The following DOCK11 variants were observed in gnomAD, a reference collection of about 807,000 sequenced individuals.
DOCK11 encodes dedicator of cytokinesis protein 11.
A neutral mutation model predicts 169.1 loss-of-function variants in DOCK11; 70 were observed. The observed-to-expected ratio is 0.41, with a 90% confidence interval of 0.34 to 0.51. The LOEUF (loss-of-function observed/expected upper bound fraction) is 0.51. Ranked by LOEUF, DOCK11 falls within the 20% of genes least tolerant of loss-of-function variation. The pLI, the probability that DOCK11 is intolerant of heterozygous loss-of-function variation, is 0.10. For synonymous variants in DOCK11, 529 were observed against 541.3 expected (o/e 0.98, Z 0.32); for missense variants, 1,166 against 1,538.8 (o/e 0.76, Z 4.05).
intron 49 of DOCK11, 42 bp downstream of exon 49, chrX:118,680,734 CT>C: frequency 9.5e-7 from 1 of 1,054,341 alleles, no homozygotes; most frequent in Non-Finnish European, 1.3e-6. Flanking sequence ...TTGTCTTGGT[CT>C]TTTTCAGCAT....
chrX:118,639,640 A>G, intron 38 of DOCK11, 63 bp downstream of exon 38: 1 of 1,100,470 alleles, frequency 9.1e-7, no homozygotes, highest in Non-Finnish European at 1.2e-6. Context: ...TAAATAATAA[A>G]AACTGAAGGT....
chrX:118,637,963 T>A (rs2015433555), intron 36 of DOCK11, 117 bp from the exon 37 acceptor site: 9 of 544,973 alleles, frequency 1.7e-5, no homozygotes, highest in South Asian at 3.7e-5. Context: ...AAAACACTTA[T>A]CATTATAATA....
At chrX:118,610,659 T>C (rs769685786) in intron 28 of DOCK11, among the ~76,000 whole-genome samples, 16 of 111,712 alleles carry the variant, frequency 1.4e-4, no homozygotes, top group African/African-American at 4.6e-4. Flanking sequence ...GAATGTTGGA[T>C]CGTATGGTAG....
At chrX:118,505,388 A>G (rs7063230) in intron 1 of DOCK11, among the ~76,000 whole-genome samples, 14,043 of 111,891 alleles carry the variant, frequency 0.13, 652 homozygotes, top group Middle Eastern at 0.2. Context: ...GGGTTTGCCA[A>G]TTGTTAAGTA....
rs1249831179 is a variant in DOCK11, at chrX:118,609,274, T to A, written c.2878-4T>A. The A allele has an allele frequency of 4.8e-5, 57 of 1,184,627 alleles. No individual in the cohort carries two copies. Among genetic ancestry groups the A allele is most frequent in the Non-Finnish European group, 6.3e-5 (55 of 877,397 alleles). On this transcript the variant is annotated splice_region_variant and splice_polypyrimidine_tract_variant and intron_variant, in intron 26 of 52. Coordinates refer to ENST00000276202, the MANE Select transcript of DOCK11 (RefSeq NM_144658.4). ...GTTAAAGATTCTCTTTCTTTTTTTT[T>A]CAGTACTCATGGTTTTTCTTTGAAA...
intron 20 of DOCK11, among the ~76,000 whole-genome samples, chrX:118,594,924 G>T (rs2014114959): frequency 9.0e-6 from 1 of 111,080 alleles, no homozygotes; most frequent in African/African-American, 3.3e-5. Context: ...AAGAGGCATG[G>T]ACAGGAAACC....
At chrX:118,594,199 G>A (rs2014088571) in intron 20 of DOCK11, among the ~76,000 whole-genome samples, 1 of 111,933 alleles carries the variant, frequency 8.9e-6, no homozygotes, top group Non-Finnish European at 1.9e-5. Flanking sequence ...AAACCAATGG[G>A]TAGCACCCTT....
chrX:118,655,807 C>T (rs930842046), intron 44 of DOCK11, among the ~76,000 whole-genome samples: 1 of 112,160 alleles, frequency 8.9e-6, no homozygotes, highest in Non-Finnish European at 1.9e-5. Context: ...GAATGAGTAA[C>T]AATACGGCAA....
intron 1 of DOCK11, among the ~76,000 whole-genome samples, chrX:118,540,309 T>TATTCA (rs1218528116): frequency 1.8e-5 from 2 of 110,774 alleles, no homozygotes; most frequent in Admixed American, 1.9e-4. Flanking sequence ...AGATAGGACT[T>TATTCA]ATTCATTCAA....
At chrX:118,533,084 C>T (rs1039664022) in intron 1 of DOCK11, among the ~76,000 whole-genome samples, 4 of 111,105 alleles carry the variant, frequency 3.6e-5, no homozygotes, top group African/African-American at 1.3e-4. Context: ...CTCCGCCTCC[C>T]GGGTTTAAGC....
chrX:118,608,506 T>G, intron 26 of DOCK11, 150 bp downstream of exon 26: 1 of 687,906 alleles, frequency 1.5e-6, no homozygotes, highest in East Asian at 3.6e-5. Context: ...CCTGAAGTTC[T>G]CCACAGAACC....
chrX:118,597,262 G>A (rs1458504757), intron 20 of DOCK11, among the ~76,000 whole-genome samples, 169 bp from the exon 21 acceptor site: 1 of 110,999 alleles, frequency 9.0e-6, no homozygotes, highest in Non-Finnish European at 1.9e-5. Flanking sequence ...ATTCAGAGTC[G>A]ATCCAAACCC....
At chrX:118,562,990 G>A (rs1307235830) in intron 7 of DOCK11, among the ~76,000 whole-genome samples, 1 of 112,385 alleles carries the variant, frequency 8.9e-6, no homozygotes, top group Admixed American at 9.5e-5. Flanking sequence ...TCTGCACACA[G>A]TAGGGACTTA....
chrX:118,650,301 G>T lies in DOCK11; in HGVS notation c.4581+1174G>T, dbSNP rs187145360. ...AGCACAAGATAGATACTTCCTACATGATAGTTATTATTCAACATCTCCATA... is the reference window on the plus strand; with the variant it reads ...AGCACAAGATAGATACTTCCTACATTATAGTTATTATTCAACATCTCCATA... On this transcript the variant is annotated intron_variant, in intron 41 of 52. Coordinates refer to ENST00000276202, the MANE Select transcript of DOCK11 (RefSeq NM_144658.4). Among the ~76,000 whole-genome samples the T allele has an allele frequency of 2.7e-5, 3 of 112,177 alleles. No homozygotes were observed. In the East Asian group the frequency reaches 8.4e-4, roughly 31 times the overall value.
At chrX:118,648,229 A>T (rs948611515) in intron 40 of DOCK11, among the ~76,000 whole-genome samples, 1 of 84,769 alleles carries the variant, frequency 1.2e-5, no homozygotes, top group African/African-American at 4.4e-5. Flanking sequence ...ATAATAATAT[A>T]ATATATATAT....
chrX:118,640,266 G>T (rs1569438116), intron 38 of DOCK11, among the ~76,000 whole-genome samples: 1 of 112,283 alleles, frequency 8.9e-6, no homozygotes, highest in Non-Finnish European at 1.9e-5. Context: ...GAGTGAGAAT[G>T]TTTTGTTTCC....
At chrX:118,593,942 C>G (rs1469476429) in intron 20 of DOCK11, among the ~76,000 whole-genome samples, 1 of 111,995 alleles carries the variant, frequency 8.9e-6, no homozygotes, top group Non-Finnish European at 1.9e-5. Flanking sequence ...TTGCTATTCT[C>G]AAAAAGAAAC....
chrX:118,508,386 T>A (rs756121626), intron 1 of DOCK11, among the ~76,000 whole-genome samples: 1 of 111,870 alleles, frequency 8.9e-6, no homozygotes, highest in African/African-American at 3.2e-5. Flanking sequence ...GCCAGCTTTA[T>A]GCCTTGCAGG....
chrX:118,611,797 C>A (rs1362706407), intron 28 of DOCK11, among the ~76,000 whole-genome samples: 1 of 111,071 alleles, frequency 9.0e-6, no homozygotes, highest in East Asian at 2.8e-4. Flanking sequence ...CTCTGTCACC[C>A]AGGCTGGAGT....
Sources: allele counts gnomAD v4.1 joint callset (sites outside exome capture counted in the v4.1 genomes callset), GRCh38; gene constraint gnomAD v4.1.1; transcripts MANE v1.5; gene names NCBI Gene and HGNC (gene_info 2026-07-23, HGNC 2026-07-21).